LNX1: variants seen among roughly 807,000 people sequenced by gnomAD.
LNX1 encodes ligand of numb-protein X 1, also known as E3 ubiquitin-protein ligase LNX.
Under a neutral mutation model 68.4 loss-of-function variants are expected in LNX1, and 54 were observed. The observed-to-expected ratio is 0.79, with a 90% CI of 0.63 to 0.99. LNX1 has a LOEUF of 0.99. Among genes scored for constraint, LNX1 ranks in the 50% least tolerant of loss-of-function variants. The pLI is 0.00. For synonymous variants in LNX1, 336 were observed against 350.0 expected (o/e 0.96, Z 0.45); for missense variants, 906 against 926.4 (o/e 0.98, Z 0.29).
chr4:53,593,683 G>C (rs1732617203), upstream of LNX1, among the ~76,000 whole-genome samples: 1 of 151,522 alleles, frequency 6.6e-6, no homozygotes, highest in Non-Finnish European at 1.5e-5. Flanking sequence ...TTTTTTTTGG[G>C]CCATTAGGGC....
At chr4:53,579,651 A>G (rs1731712158) in intron 1 of LNX1, among the ~76,000 whole-genome samples, 2 of 152,104 alleles carry the variant, frequency 1.3e-5, no homozygotes, top group African/African-American at 4.8e-5. Context: ...CAGATTTAAG[A>G]ACAGCCTTTG....
intron 1 of LNX1, among the ~76,000 whole-genome samples, chr4:53,587,254 G>C (rs565705286): frequency 6.6e-6 from 1 of 152,316 alleles, no homozygotes; most frequent in African/African-American, 2.4e-5. Flanking sequence ...AAGTTTACGG[G>C]AGACAACAAA....
At chr4:53,533,545 C>CA (rs1704476829) in intron 2 of LNX1, among the ~76,000 whole-genome samples, 1 of 152,186 alleles carries the variant, frequency 6.6e-6, no homozygotes, top group African/African-American at 2.4e-5. Flanking sequence ...ACTACAGGCA[C>CA]ATGCCATCAC....
chr4:53,461,827 T>C (rs560039761), intron 9 of LNX1, among the ~76,000 whole-genome samples: 2 of 152,138 alleles, frequency 1.3e-5, no homozygotes, highest in Non-Finnish European at 2.9e-5. Context: ...GACAGCCCTA[T>C]TGTGTTCTGT....
chr4:53,510,214 G>T (rs1726226977), intron 2 of LNX1, among the ~76,000 whole-genome samples: 1 of 152,204 alleles, frequency 6.6e-6, no homozygotes, highest in African/African-American at 2.4e-5. Context: ...CATCTGAATG[G>T]ATTTCAAAGC....
chr4:53,562,981 C>T (rs375765646), intron 2 of LNX1, among the ~76,000 whole-genome samples: 2 of 152,226 alleles, frequency 1.3e-5, no homozygotes, highest in African/African-American at 2.4e-5. Flanking sequence ...GAGGCCGAGA[C>T]GGATCACGAG....
chr4:53,522,709 T>C (rs1727318940), intron 2 of LNX1, among the ~76,000 whole-genome samples: 1 of 152,198 alleles, frequency 6.6e-6, no homozygotes, highest in African/African-American at 2.4e-5. Context: ...ATTTCAAAAG[T>C]AATTGAGGCT....
At chr4:53,609,171 T>A (rs1733368072) in intron 2 of LNX1, among the ~76,000 whole-genome samples, 1 of 152,152 alleles carries the variant, frequency 6.6e-6, no homozygotes, top group South Asian at 2.1e-4. Context: ...GGACTCCCGA[T>A]GTTTATTACC....
intron 2 of LNX1, among the ~76,000 whole-genome samples, chr4:53,530,018 T>A (rs1727910343): frequency 1.3e-5 from 2 of 152,210 alleles, no homozygotes; most frequent in Non-Finnish European, 2.9e-5. Flanking sequence ...CTTTCTACCA[T>A]TTAAAGAAAT....
intron 6 of LNX1, among the ~76,000 whole-genome samples, chr4:53,493,218 C>T (rs975104562): frequency 2.0e-4 from 31 of 152,150 alleles, no homozygotes; most frequent in African/African-American, 7.2e-4. Context: ...CTGCCTGCCT[C>T]GGCCTCCCAA....
At chr4:53,569,066 T>C (rs1227115916) in intron 2 of LNX1, among the ~76,000 whole-genome samples, 3 of 151,134 alleles carry the variant, frequency 2.0e-5, no homozygotes, top group Non-Finnish European at 4.4e-5. Context: ...AGAATCAATA[T>C]CGTGAAAATG....
chr4:53,587,276 C>A (rs1460076205), intron 1 of LNX1, among the ~76,000 whole-genome samples: 1 of 152,144 alleles, frequency 6.6e-6, no homozygotes, highest in African/African-American at 2.4e-5. Flanking sequence ...GTTTTCTGTT[C>A]CTGATTTCAG....
chr4:53,573,774 T>C lies in LNX1; in HGVS notation c.229A>G (p.Met77Val). ...NFLVEKDFCP[M>V]DRKPLVLQHC... ...TGCAGAACCAGAGGCTTGCGGTCCA[T>C]GGGACAGAAGTCCTTCTCCACCAGG... Residue 77 changes from methionine to valine, a missense_variant, in exon 2 of 11, where the codon ATG becomes GTG. Met to Val is a conservative substitution (Grantham distance 21, BLOSUM62 1). Coordinates refer to ENST00000263925, the MANE Select transcript of LNX1 (RefSeq NM_001126328.3). 6.2e-7 allele frequency: 1 copy of C among 1,612,148 alleles called. No homozygotes were observed. The highest frequency in any genetic ancestry group is 1.3e-5 in the African/African-American group (1 of 75,040).
At chr4:53,468,558 A>G (rs1722881529) in intron 9 of LNX1, among the ~76,000 whole-genome samples, 1 of 151,824 alleles carries the variant, frequency 6.6e-6, no homozygotes. Flanking sequence ...AAACTGGATA[A>G]AGTCAAGACC....
intron 1 of LNX1, among the ~76,000 whole-genome samples, chr4:53,588,616 A>G (rs1020975622): frequency 6.6e-6 from 1 of 152,198 alleles, no homozygotes; most frequent in African/African-American, 2.4e-5. Flanking sequence ...CCACCTGGAC[A>G]TGCAGCCCAC....
At chr4:53,516,922 CAG>C (rs148927406) in intron 2 of LNX1, among the ~76,000 whole-genome samples, 6,820 of 152,266 alleles carry the variant, frequency 0.045, 186 homozygotes, top group Middle Eastern at 0.1. Context: ...CAGCTCCTTG[CAG>C]AGACTCCCTG....
chr4:53,498,010 T>G (rs1725194259), intron 5 of LNX1, among the ~76,000 whole-genome samples: 1 of 152,134 alleles, frequency 6.6e-6, no homozygotes, highest in Non-Finnish European at 1.5e-5. Flanking sequence ...GATCTTTTTA[T>G]CCTTTCTGTT....
intron 9 of LNX1, among the ~76,000 whole-genome samples, chr4:53,472,158 T>TA (rs1723238917): frequency 1.3e-5 from 2 of 152,186 alleles, no homozygotes; most frequent in South Asian, 4.1e-4. Flanking sequence ...TATGTAGCCA[T>TA]AAAAAAGGAT....
At chr4:53,532,778 G>C (rs1216117392) in intron 2 of LNX1, among the ~76,000 whole-genome samples, 1 of 152,190 alleles carries the variant, frequency 6.6e-6, no homozygotes, top group East Asian at 1.9e-4. Context: ...AGCTCCTGTG[G>C]GGCAGCAGGG....
Sources: gnomAD v4.1 joint callset for allele counts (sites outside exome capture counted in the v4.1 genomes callset) on GRCh38, gnomAD v4.1.1 for gene constraint, MANE v1.5 for transcripts, NCBI Gene and HGNC (gene_info 2026-07-23, HGNC 2026-07-21) for gene names.